PITPNC1: variants seen among roughly 807,000 people sequenced by gnomAD.
The protein encoded by PITPNC1 is phosphatidylinositol transfer protein cytoplasmic 1, also known as cytoplasmic phosphatidylinositol transfer protein 1.
A neutral mutation model predicts 44.7 loss-of-function variants in PITPNC1; 18 were observed. The ratio of observed to expected loss-of-function variants is 0.40; its 90% CI spans 0.28 to 0.60. PITPNC1 has a LOEUF of 0.60. PITPNC1 is among the 20% of genes least tolerant of loss of function. The pLI, the probability that PITPNC1 is intolerant of heterozygous loss-of-function variation, is 0.39. For synonymous variants in PITPNC1, 141 were observed against 149.6 expected (o/e 0.94, Z 0.42); for missense variants, 290 against 418.4 (o/e 0.69, Z 2.68).
intron 1 of PITPNC1, among the ~76,000 whole-genome samples, chr17:67,389,611 G>A (rs2038106508): frequency 1.3e-5 from 2 of 152,166 alleles, no homozygotes; most frequent in South Asian, 4.1e-4. Context: ...GTCTGTAAGT[G>A]TATTAAGAAC....
intron 1 of PITPNC1, among the ~76,000 whole-genome samples, chr17:67,500,654 T>C (rs1181744174): frequency 8.4e-6 from 1 of 118,412 alleles, no homozygotes; most frequent in South Asian, 3.4e-4. Flanking sequence ...CTCAATTTTT[T>C]TTTAAGATTT....
intron 1 of PITPNC1, among the ~76,000 whole-genome samples, chr17:67,460,197 C>G (rs886106292): frequency 6.6e-6 from 1 of 152,176 alleles, no homozygotes; most frequent in East Asian, 1.9e-4. Context: ...CATTGATTTT[C>G]CATGCCTTCC....
At chr17:67,623,510 G>A (rs906670056) in intron 5 of PITPNC1, among the ~76,000 whole-genome samples, 1 of 152,020 alleles carries the variant, frequency 6.6e-6, no homozygotes, top group Non-Finnish European at 1.5e-5. Flanking sequence ...GAGCCTTCCC[G>A]AGCAGCTGGG....
At chr17:67,662,081 G>A (rs1329206120) in intron 6 of PITPNC1, among the ~76,000 whole-genome samples, 9 of 152,036 alleles carry the variant, frequency 5.9e-5, no homozygotes, top group Non-Finnish European at 1.3e-4. Context: ...ACCCACCGAC[G>A]CAACATAGCA....
At chr17:67,416,702 G>T in intron 1 of PITPNC1, among the ~76,000 whole-genome samples, 1 of 152,136 alleles carries the variant, frequency 6.6e-6, no homozygotes, top group South Asian at 2.1e-4. Flanking sequence ...GCTGAACCAC[G>T]TTCCTCTTTT....
In PITPNC1 at chr17:67,391,475, G is replaced by GTATT. The variant is rs748381370; in HGVS notation, c.48+13291_48+13294dup. Among the ~76,000 whole-genome samples, 302 of 151,986 alleles carry GTATT rather than the reference G, an allele frequency of 2.0e-3. 1 individual carries two copies. The highest frequency in any genetic ancestry group is 7.2e-3 in the Admixed American group (110 of 15,212). ...TTTATGTTGAAAATAACTAGTTTAT[G>GTATT]TATTTATTTATTTATTTATTTTTGA... On this transcript the variant is annotated intron_variant, in intron 1 of 8. Transcript: ENST00000581322.
At chr17:67,631,490 G>A (rs1237560937) in intron 5 of PITPNC1, among the ~76,000 whole-genome samples, 1 of 138,570 alleles carries the variant, frequency 7.2e-6, no homozygotes, top group Non-Finnish European at 1.6e-5. Context: ...TTAGCCGGGC[G>A]TGGTGGTGGG....
chr17:67,535,065 T>C (rs1476564117), intron 2 of PITPNC1, among the ~76,000 whole-genome samples: 1 of 152,240 alleles, frequency 6.6e-6, no homozygotes, highest in Non-Finnish European at 1.5e-5. Flanking sequence ...CTGATTAAAC[T>C]GATGTTTTAA....
intron 1 of PITPNC1, among the ~76,000 whole-genome samples, chr17:67,529,486 A>C (rs546749958): frequency 2.6e-5 from 4 of 152,328 alleles, no homozygotes; most frequent in African/African-American, 9.6e-5. Context: ...CATAAAATCA[A>C]CCAGGTTAAA....
intron 1 of PITPNC1, among the ~76,000 whole-genome samples, chr17:67,392,112 A>G (rs2038146703): frequency 6.6e-6 from 1 of 152,196 alleles, no homozygotes; most frequent in African/African-American, 2.4e-5. Flanking sequence ...GTTCATGAGC[A>G]CCTGTGAGTT....
At chr17:67,644,291 G>A (rs1363327713) in intron 6 of PITPNC1, among the ~76,000 whole-genome samples, 3 of 152,104 alleles carry the variant, frequency 2.0e-5, no homozygotes, top group Non-Finnish European at 2.9e-5. Flanking sequence ...TCTTACAGCT[G>A]TACTATAGAA....
At chr17:67,575,128 T>A (rs1307089120) in intron 4 of PITPNC1, among the ~76,000 whole-genome samples, 1 of 151,996 alleles carries the variant, frequency 6.6e-6, no homozygotes, top group East Asian at 1.9e-4. Context: ...CACAACTCTG[T>A]ACTCTCCCCA....
Position 67,693,081 on chromosome 17 carries a change from T to C in PITPNC1, c.*193T>C. 1.8e-6 allele frequency: 1 copy of C among 555,640 alleles called. No homozygotes were observed. The highest frequency in any genetic ancestry group is 2.6e-5 in the South Asian group (1 of 39,168). 34.4% of individuals were successfully genotyped at this position (555,640 alleles called of 1,614,324 possible). A position where few individuals can be genotyped will look rare whatever the true frequency, so the allele number is the denominator to read the frequency against. ...ATGCTACACAGCATCATATTAGATG[T>C]AAGATGTAAGACTTGCAAAGGACAG... On this transcript the variant is annotated 3_prime_UTR_variant, in exon 9 of 9. Transcript: ENST00000581322.
intron 6 of PITPNC1, among the ~76,000 whole-genome samples, chr17:67,669,055 CCCTT>C (rs2042469732): frequency 6.6e-6 from 1 of 152,156 alleles, no homozygotes; most frequent in Admixed American, 6.6e-5. Context: ...CACTCTACAT[CCCTT>C]CCTTTCCTCA....
At chr17:67,563,105 C>G (rs867235353) in intron 4 of PITPNC1, among the ~76,000 whole-genome samples, 107 of 152,212 alleles carry the variant, frequency 7.0e-4, no homozygotes, top group African/African-American at 2.5e-3. Flanking sequence ...TGTGAGTCTC[C>G]TGTTGGTGAA....
chr17:67,643,098 C>CA (rs1370685461), intron 6 of PITPNC1, among the ~76,000 whole-genome samples: 1 of 152,168 alleles, frequency 6.6e-6, no homozygotes, highest in African/African-American at 2.4e-5. Context: ...GTCATTGAAT[C>CA]AATAGAAAGA....
chr17:67,512,367 G>A (rs1417209641), intron 1 of PITPNC1, among the ~76,000 whole-genome samples: 3 of 152,156 alleles, frequency 2.0e-5, no homozygotes, highest in African/African-American at 7.2e-5. Flanking sequence ...CAGGCGTGAT[G>A]ATGGGTGCCT....
intron 1 of PITPNC1, among the ~76,000 whole-genome samples, chr17:67,382,447 T>C (rs1202198424): frequency 2.0e-5 from 3 of 152,082 alleles, no homozygotes; most frequent in South Asian, 2.1e-4. Flanking sequence ...AAACATTTCA[T>C]TGGAATAGTC....
At chr17:67,446,520 GTT>G (rs11301995) in intron 1 of PITPNC1, among the ~76,000 whole-genome samples, 5 of 145,140 alleles carry the variant, frequency 3.4e-5, no homozygotes, top group South Asian at 2.2e-4. Flanking sequence ...CCTCATTAAG[GTT>G]TTTTTTTTTT....
Sources: gnomAD v4.1 joint callset for allele counts (sites outside exome capture counted in the v4.1 genomes callset) on GRCh38, gnomAD v4.1.1 for gene constraint, MANE v1.5 for transcripts, NCBI Gene and HGNC (gene_info 2026-07-23, HGNC 2026-07-21) for gene names.